The following SLC35F3 variants were observed in gnomAD, a reference collection of about 807,000 sequenced individuals.
SLC35F3 encodes the protein putative thiamine transporter SLC35F3.
A neutral mutation model predicts 49.9 loss-of-function variants in SLC35F3; 25 were observed. The ratio of observed to expected loss-of-function variants is 0.50; its 90% confidence interval spans 0.37 to 0.70. The LOEUF is 0.70. Ranked by LOEUF, SLC35F3 falls within the 30% of genes least tolerant of loss-of-function variation. SLC35F3 has a pLI of 0.00. For synonymous variants in SLC35F3, 275 were observed against 265.4 expected (o/e 1.04, Z -0.35); for missense variants, 525 against 639.8 (o/e 0.82, Z 1.94).
chr1:234,076,003 G>T (rs1161120530), intron 2 of SLC35F3, among the ~76,000 whole-genome samples: 1 of 140,734 alleles, frequency 7.1e-6, no homozygotes, highest in Non-Finnish European at 1.5e-5. Flanking sequence ...GGCACAGACC[G>T]CAGACTGTTT....
chr1:234,212,532 C>G (rs1374934344), intron 2 of SLC35F3: 1 of 152,206 alleles, frequency 6.6e-6, no homozygotes, highest in Non-Finnish European at 1.5e-5. Context: ...TGGCCAGTTA[C>G]TCAGTCTGTG....
At position 234,231,380 on chromosome 1, in the gene SLC35F3, C is replaced by A; in HGVS notation, c.284-37C>A. The A allele has an allele frequency of 2.1e-6, 3 of 1,452,012 alleles. No individual in the cohort carries two copies. In the South Asian group the frequency reaches 4.2e-5, roughly 21 times the overall value. The allele number at this position is 1,452,012 out of a possible 1,614,324, so 89.9% of individuals were successfully genotyped here. On this transcript the variant is annotated intron_variant, in intron 2 of 7. Coordinates refer to ENST00000366618, the MANE Select transcript of SLC35F3 (RefSeq NM_173508.4). This position sits in a 1 kb window ranked among gnomAD's most constrained non-coding sequence, Gnocchi z 5.4. The stretch of plus-strand genomic sequence containing the variant: ...CCCTGCGAAGTGCAGGGGTGAAGGT[C>A]TGCAGGCCCCGCTAACCACGCCCTT...
Position 233,905,666 on chromosome 1 carries a change from C to T in SLC35F3, c.191C>T (p.Thr64Ile), listed in dbSNP as rs766232262. The change falls in exon 2 of 8, where the codon ACC becomes ATC. Residue 64 changes from threonine (T) to isoleucine (I), a missense_variant. Thr to Ile is a moderately conservative substitution (Grantham distance 89). Around this residue, in one of 4 missense-constraint regions of SLC35F3, gnomAD observed 228 missense variants for 218.9 expected, o/e 1.04. Coordinates refer to ENST00000366618, the MANE Select transcript of SLC35F3 (RefSeq NM_173508.4). The part of the protein sequence containing the change: ...LKWSRSVEDL[T>I]SGPVGLTSIE... Reference sequence around the variant, plus strand: ...TGGTCGCGCTCCGTGGAGGATCTCACCAGCGGGCCGGTGGGGCTCACGTCC... The same window carrying T: ...TGGTCGCGCTCCGTGGAGGATCTCATCAGCGGGCCGGTGGGGCTCACGTCC... The T allele has an allele frequency of 6.2e-7, 1 of 1,614,218 alleles. No individual in the cohort carries two copies. Among genetic ancestry groups the T allele is most frequent in the Non-Finnish European group, 8.5e-7 (1 of 1,180,046 alleles).
intron 2 of SLC35F3, among the ~76,000 whole-genome samples, chr1:234,063,715 A>G (rs1282061300): frequency 2.0e-5 from 3 of 152,186 alleles, no homozygotes; most frequent in Non-Finnish European, 2.9e-5. Flanking sequence ...GCTTTTGTTT[A>G]GCTTTTAATA....
intron 2 of SLC35F3, among the ~76,000 whole-genome samples, chr1:234,200,071 T>C (rs1299186202): frequency 6.6e-6 from 1 of 152,070 alleles, no homozygotes; most frequent in African/African-American, 2.4e-5. Context: ...CAGAAAAGAG[T>C]ATGGAGGTTC....
chr1:234,275,974 A>G (rs1385358992), intron 3 of SLC35F3, among the ~76,000 whole-genome samples: 2 of 152,060 alleles, frequency 1.3e-5, no homozygotes, highest in Non-Finnish European at 2.9e-5. Context: ...TTTGCGCAAC[A>G]CAACACAGCT....
rs764578116 is a variant in SLC35F3, at chr1:234,316,649, C to T, written c.876C>T (p.Tyr292=). The T allele has an allele frequency of 2.7e-5, 43 of 1,613,502 alleles. No individual in the cohort carries two copies. The highest frequency in any genetic ancestry group is 2.0e-4 in the African/African-American group (15 of 75,060). Residue 292 remains tyrosine (Y), a synonymous_variant, in exon 5 of 8, where the codon TAC becomes TAT. Transcript: ENST00000366618. ...LAIAGIVMMT[Y]ADGFHSHSVI... ...TCGCTGGCATTGTGATGATGACCTA[C>T]GCTGATGGCTTCCACAGCCACTCCG...
chr1:234,105,315 G>C (rs1050680987), intron 2 of SLC35F3, among the ~76,000 whole-genome samples: 2 of 152,146 alleles, frequency 1.3e-5, no homozygotes, highest in African/African-American at 4.8e-5. Flanking sequence ...ACAATTGACT[G>C]GGGAAGCTGC....
chr1:234,135,051 C>A (rs1343969489), intron 2 of SLC35F3, among the ~76,000 whole-genome samples: 1 of 152,072 alleles, frequency 6.6e-6, no homozygotes, highest in Non-Finnish European at 1.5e-5. Flanking sequence ...GCATCCCAGG[C>A]AAGAACCAAC....
intron 2 of SLC35F3, among the ~76,000 whole-genome samples, chr1:234,052,877 G>T (rs2102858433): frequency 6.6e-6 from 1 of 152,252 alleles, no homozygotes. Flanking sequence ...CTTTATTTCT[G>T]CCTTCATTTC....
intron 2 of SLC35F3, among the ~76,000 whole-genome samples, chr1:233,942,024 G>A (rs1174423827): frequency 2.8e-5 from 4 of 144,786 alleles, no homozygotes; most frequent in East Asian, 4.5e-4. Context: ...TCAGTGGCAC[G>A]ATCTCGGATC....
intron 2 of SLC35F3, among the ~76,000 whole-genome samples, chr1:233,947,081 G>A (rs535300367): frequency 1.3e-5 from 2 of 152,114 alleles, no homozygotes; most frequent in Non-Finnish European, 2.9e-5. Flanking sequence ...GATAGATCTT[G>A]GACTTTTTCA....
At chr1:234,288,593 G>T (rs1668459275) in intron 3 of SLC35F3, among the ~76,000 whole-genome samples, 1 of 152,180 alleles carries the variant, frequency 6.6e-6, no homozygotes, top group African/African-American at 2.4e-5. Context: ...GGAAGGGTAT[G>T]GCAAGAAAGA....
At chr1:234,072,972 C>T (rs1483108977) in intron 2 of SLC35F3, among the ~76,000 whole-genome samples, 1 of 152,116 alleles carries the variant, frequency 6.6e-6, no homozygotes, top group East Asian at 1.9e-4. Flanking sequence ...CAGGCGTGGG[C>T]ACTGGGAGAC....
chr1:233,942,365 T>TTG (rs1051076216), intron 2 of SLC35F3, among the ~76,000 whole-genome samples: 1 of 152,166 alleles, frequency 6.6e-6, no homozygotes, highest in Non-Finnish European at 1.5e-5. Context: ...TGATGTTGTT[T>TTG]TGTGTGACCT....
At chr1:233,922,591 G>T (rs1662082948) in intron 2 of SLC35F3, among the ~76,000 whole-genome samples, 1 of 145,842 alleles carries the variant, frequency 6.9e-6, no homozygotes, top group South Asian at 2.2e-4. Context: ...CTCCCATTCT[G>T]TAGGTTGCCT....
chr1:234,035,704 C>G (rs1664131331), intron 2 of SLC35F3, among the ~76,000 whole-genome samples: 1 of 152,134 alleles, frequency 6.6e-6, no homozygotes, highest in Non-Finnish European at 1.5e-5. Context: ...GTTTTACAAC[C>G]CTTCCACTGA....
chr1:234,130,853 A>C (rs957570171), intron 2 of SLC35F3, among the ~76,000 whole-genome samples: 15 of 152,224 alleles, frequency 9.9e-5, no homozygotes, highest in African/African-American at 3.4e-4. Flanking sequence ...ATGTATATGC[A>C]GGCCAAAAAT....
chr1:233,929,065 T>G (rs1332590219), intron 2 of SLC35F3, among the ~76,000 whole-genome samples: 1 of 152,198 alleles, frequency 6.6e-6, no homozygotes, highest in African/African-American at 2.4e-5. Context: ...AGTCTCATGG[T>G]CAACCCCAAG....
Sources: gnomAD v4.1 joint callset for allele counts (sites outside exome capture counted in the v4.1 genomes callset) on GRCh38, gnomAD v4.1.1 for gene constraint, gnomAD v4.1.1 regional missense constraint, Gnocchi (gnomAD v3.1) non-coding constraint, MANE v1.5 for transcripts, NCBI Gene and HGNC (gene_info 2026-07-23, HGNC 2026-07-21) for gene names.